The following PTCHD4 variants were observed in gnomAD, a reference collection of about 807,000 sequenced individuals.
PTCHD4 encodes patched domain containing 4.
PTCHD4 carries 33 observed loss-of-function variants against 58.1 expected under a neutral mutation model. That is an observed-to-expected ratio of 0.57 (90% CI 0.43 to 0.76). PTCHD4 has a LOEUF of 0.76. Among genes scored for constraint, PTCHD4 ranks in the 30% least tolerant of loss-of-function variants. The pLI is 0.00. For synonymous variants in PTCHD4, 478 were observed against 409.6 expected, an observed-to-expected ratio of 1.17 and a Z score of -2.02; for missense variants, 1,058 against 1,027.1, an observed-to-expected ratio of 1.03 and a Z score of -0.41.
chr6:47,879,680 GGA>G lies in PTCHD4; in HGVS notation c.1153_1154del (p.Ser385LeufsTer20). ...CTAGTTGGCCAGCAAAGACCAGACA[GGA>G]GCCAAAGAAGGAGAAAATGTAGAAG... is the stretch of plus-strand genomic sequence containing the variant. ...NYFYIFSFFG[S>X]CLVFAGQLEQ... On this transcript the variant is annotated frameshift_variant, in exon 5 of 5. Transcript: ENST00000339488. LOFTEE classifies it high-confidence loss of function. 1 of 1,613,566 alleles carries G rather than the reference GGA, an allele frequency of 6.2e-7. No homozygotes were observed. The highest frequency in any genetic ancestry group is 8.5e-7 in the Non-Finnish European group (1 of 1,179,718).
chr6:47,936,452 G>T (rs546614741), intron 4 of PTCHD4, among the ~76,000 whole-genome samples: 1 of 152,056 alleles, frequency 6.6e-6, no homozygotes, highest in Non-Finnish European at 1.5e-5. Flanking sequence ...ACATAATTTC[G>T]AAAAGCCCTG....
rs573738770 is a variant in PTCHD4, at chr6:48,061,267, C to T, written c.417+6963G>A. On this transcript the variant is annotated intron_variant, in intron 3 of 4. Transcript: ENST00000339488. ...TTCAACAGTTTTAGAAAATATTGAA[C>T]GACTGTAATCAGCTTAAAGCTTAAA... Among the ~76,000 whole-genome samples the T allele has an allele frequency of 2.3e-4, 35 of 152,060 alleles. No individual in the cohort carries two copies. The South Asian group carries it at 4.6e-3, about 20-fold the overall frequency.
intron 3 of PTCHD4, among the ~76,000 whole-genome samples, chr6:48,032,768 A>T (rs1383370664): frequency 1.3e-5 from 2 of 152,132 alleles, no homozygotes; most frequent in African/African-American, 4.8e-5. Flanking sequence ...AATTGACATA[A>T]TAATTTTTAA....
intron 4 of PTCHD4, among the ~76,000 whole-genome samples, chr6:48,007,626 A>C (rs1332156074): frequency 6.6e-6 from 1 of 152,200 alleles, no homozygotes; most frequent in Non-Finnish European, 1.5e-5. Context: ...TGTTTTCCTC[A>C]TAGATCTTTC....
chr6:47,910,014 A>G (rs889874758), intron 4 of PTCHD4, among the ~76,000 whole-genome samples: 3 of 152,162 alleles, frequency 2.0e-5, no homozygotes, highest in Non-Finnish European at 4.4e-5. Context: ...GTCATTAATA[A>G]CTGATTAATA....
At chr6:48,107,202 A>T (rs1186947693) in intron 1 of PTCHD4, among the ~76,000 whole-genome samples, 6 of 152,176 alleles carry the variant, frequency 3.9e-5, no homozygotes, top group Non-Finnish European at 8.8e-5. Context: ...TTCAAACTAT[A>T]CTACAAGGCT....
chr6:48,054,377 C>G (rs1212402217), intron 3 of PTCHD4, among the ~76,000 whole-genome samples: 1 of 152,126 alleles, frequency 6.6e-6, no homozygotes, highest in East Asian at 1.9e-4. Context: ...CTTGAAACAA[C>G]TGCTCCCCTG....
In PTCHD4 at chr6:47,856,935, T is replaced by C. The variant is rs1763322882; in HGVS notation, c.*21368A>G. Among the ~76,000 whole-genome samples, 1 of 152,032 alleles carries C rather than the reference T, an allele frequency of 6.6e-6. No homozygotes were observed. Reference sequence around the variant, plus strand: ...TTTTCATAATGGGAAGGGACAATATTCATATTTAAATAATGATATTAATAA... The same window carrying C: ...TTTTCATAATGGGAAGGGACAATATCCATATTTAAATAATGATATTAATAA... On this transcript the variant is annotated 3_prime_UTR_variant, in exon 5 of 5. Transcript: ENST00000339488.
At chr6:47,939,904 T>C (rs1270415222) in intron 4 of PTCHD4, among the ~76,000 whole-genome samples, 1 of 152,072 alleles carries the variant, frequency 6.6e-6, no homozygotes, top group Non-Finnish European at 1.5e-5. Flanking sequence ...GTCTTTTACC[T>C]CTGGTTTGAT....
intron 4 of PTCHD4, among the ~76,000 whole-genome samples, chr6:47,933,329 A>T (rs1434781350): frequency 2.6e-5 from 4 of 152,248 alleles, no homozygotes; most frequent in Non-Finnish European, 5.9e-5. Context: ...ATTACTGGAT[A>T]TTCTTCTAGA....
In PTCHD4 at chr6:48,075,439, G is replaced by GT. The variant is rs748270040; in HGVS notation, c.-969-5514dup. On this transcript the variant is annotated intron_variant, in intron 1 of 4. Coordinates refer to ENST00000339488, the MANE Select transcript of PTCHD4 (RefSeq NM_001384253.1). ...GATTTCAGACAATCAAGTTTTGTGGGTTTTTTTTTTTTTTTTGTACTAGTT... is the reference window on the plus strand; with the variant it reads ...GATTTCAGACAATCAAGTTTTGTGGGTTTTTTTTTTTTTTTTTGTACTAGTT... 9.2e-3 allele frequency among the ~76,000 whole-genome samples: 1,258 copies of GT among 136,734 alleles called. 13 individuals carry two copies. Among genetic ancestry groups the GT allele is most frequent in the East Asian group, 0.046 (215 of 4,698 alleles). The allele number at this position is 136,734 out of a possible 152,430, so 89.7% of individuals were successfully genotyped here.
At chr6:48,090,632 G>C (rs1765347280) in intron 1 of PTCHD4, among the ~76,000 whole-genome samples, 1 of 152,086 alleles carries the variant, frequency 6.6e-6, no homozygotes, top group African/African-American at 2.4e-5. Context: ...AGAAAACCAG[G>C]GTATAAAGGG....
At chr6:47,972,000 A>T (rs1767530733) in intron 4 of PTCHD4, among the ~76,000 whole-genome samples, 1 of 152,230 alleles carries the variant, frequency 6.6e-6, no homozygotes, top group East Asian at 1.9e-4. Context: ...TAAGAAAATA[A>T]GCTGAGTAGG....
At chr6:48,006,192 G>C (rs1030304105) in intron 4 of PTCHD4, among the ~76,000 whole-genome samples, 6 of 152,184 alleles carry the variant, frequency 3.9e-5, no homozygotes, top group East Asian at 1.9e-4. Context: ...CACCTACACT[G>C]TGAAGGGTTT....
Position 47,857,467 on chromosome 6 carries a change from AT to A in PTCHD4, c.*20835del, listed in dbSNP as rs1763332020. ...TTCCTGATCATGTCCTTTTGGCAAG[AT>A]AAAAAACTAACCCTTGGGTTCAAAC... is the stretch of plus-strand genomic sequence containing the variant. On this transcript the variant is annotated 3_prime_UTR_variant, in exon 5 of 5. Coordinates refer to ENST00000339488, the MANE Select transcript of PTCHD4 (RefSeq NM_001384253.1). 6.6e-6 allele frequency among the ~76,000 whole-genome samples: 1 copy of A among 152,062 alleles called. No individual in the cohort carries two copies. Among genetic ancestry groups the A allele is most frequent in the Non-Finnish European group, 1.5e-5 (1 of 67,986 alleles).
At position 47,879,154 on chromosome 6, in the gene PTCHD4, T is replaced by A; in HGVS notation, c.1681A>T (p.Ser561Cys). 6.2e-7 allele frequency: 1 copy of A among 1,611,976 alleles called. No homozygotes were observed. Among genetic ancestry groups the A allele is most frequent in the Non-Finnish European group, 8.5e-7 (1 of 1,179,682 alleles). Residue 561 changes from serine to cysteine, a missense_variant, in exon 5 of 5, where the codon AGT (serine) becomes TGT (cysteine). By Grantham distance (112) the Ser-to-Cys change is moderately radical. Transcript: ENST00000339488. ...ATGAAGTCACTTTTGTTATTGGCAC[T>A]GACGTTGCTGACTTTCAGGAACTGG... Reference protein sequence around the residue: ...YYQFLKVSNVSANNKSDFISV... With the variant: ...YYQFLKVSNVCANNKSDFISV...
At chr6:48,047,268 T>C (rs1261272142) in intron 3 of PTCHD4, among the ~76,000 whole-genome samples, 1 of 151,760 alleles carries the variant, frequency 6.6e-6, no homozygotes, top group Non-Finnish European at 1.5e-5. Context: ...TTTTATCTAT[T>C]TATATACCCC....
chr6:48,014,074 T>C (rs1284522439), intron 3 of PTCHD4, among the ~76,000 whole-genome samples: 1 of 152,178 alleles, frequency 6.6e-6, no homozygotes, highest in Non-Finnish European at 1.5e-5. Flanking sequence ...CTATCCCTCT[T>C]TTCCCATTAT....
chr6:48,051,784 C>A (rs1364739046), intron 3 of PTCHD4, among the ~76,000 whole-genome samples: 2 of 151,812 alleles, frequency 1.3e-5, no homozygotes, highest in African/African-American at 2.4e-5. Flanking sequence ...CATTTATTAC[C>A]AATTGAGATA....
Sources: allele counts gnomAD v4.1 joint callset (sites outside exome capture counted in the v4.1 genomes callset), GRCh38; gene constraint gnomAD v4.1.1; transcripts MANE v1.5; gene names NCBI Gene and HGNC (gene_info 2026-07-23, HGNC 2026-07-21).